SPEN: variants seen among roughly 807,000 people sequenced by gnomAD.
The protein encoded by SPEN is spen family transcriptional repressor.
A neutral mutation model predicts 269.9 loss-of-function variants in SPEN; 18 were observed. That is an observed-to-expected ratio of 0.07 (90% CI 0.05 to 0.10). SPEN has a LOEUF of 0.10. SPEN is among the 10% of genes least tolerant of loss of function. The pLI, the probability that SPEN is intolerant of heterozygous loss-of-function variation, is 1.00. For missense variants in SPEN, 3,822 were observed against 4,631.2 expected (o/e 0.83, Z 5.07); for synonymous variants, 1,726 against 1,765.7 (o/e 0.98, Z 0.56).
At position 15,930,937 on chromosome 1, in the gene SPEN, C is replaced by T. The variant is rs763947168; in HGVS notation, c.4697C>T (p.Ser1566Phe). 3 of 1,614,124 alleles carry T rather than the reference C, an allele frequency of 1.9e-6. No individual in the cohort carries two copies. In the Admixed American group the frequency reaches 5.0e-5, roughly 27 times the overall value. The change falls in exon 11 of 15, where the codon TCT becomes TTT. Residue 1566 changes from serine (S) to phenylalanine (F), a missense_variant. Transcript: ENST00000375759. This position sits in a 1 kb window ranked among gnomAD's most constrained non-coding sequence, Gnocchi z 5.3. Reference sequence around the variant, plus strand: ...GGTAGGATCTATGGGAAGCAGACATCTGAGGGAGCAAACAGCACAACTGAT... The same window carrying T: ...GGTAGGATCTATGGGAAGCAGACATTTGAGGGAGCAAACAGCACAACTGAT... ...ISGRIYGKQT[S>F]EGANSTTDSI...
chr1:15,931,419 C>G lies in SPEN; in HGVS notation c.5179C>G (p.Gln1727Glu). ...AGVEEGSSGD[Q>E]PPYLDAKPPT... ...TGTTGAGGAAGGTTCATCAGGTGAC[C>G]AGCCGCCTTATCTGGATGCCAAGCC... The change falls in exon 11 of 15, where the codon CAG becomes GAG. Residue 1727 changes from glutamine to glutamate, a missense_variant. This residue lies in a region of SPEN where 533 missense variants were observed against 618.8 expected (regional missense o/e 0.86). Coordinates refer to ENST00000375759, the MANE Select transcript of SPEN (RefSeq NM_015001.3). The surrounding 1 kb of genome is among the most constrained non-coding windows in gnomAD (Gnocchi z 4.8). 6.2e-7 allele frequency: 1 copy of G among 1,614,146 alleles called. No individual in the cohort carries two copies. The highest frequency in any genetic ancestry group is 8.5e-7 in the Non-Finnish European group (1 of 1,180,038).
At chr1:15,938,565 C>CTTTT (rs200567875) in intron 13 of SPEN, 153 bp from the exon 14 acceptor site, 72 of 239,078 alleles carry the variant, frequency 3.0e-4, no homozygotes, top group African/African-American at 1.9e-3. Context: ...TGAAAAAAAG[C>CTTTT]TTTTTTTTTT....
At chr1:15,861,792 A>G (rs911604704) in intron 1 of SPEN, among the ~76,000 whole-genome samples, 3 of 152,134 alleles carry the variant, frequency 2.0e-5, no homozygotes, top group African/African-American at 7.2e-5. Flanking sequence ...CTGTAATCCC[A>G]GCACTTTGGG....
At position 15,847,973 on chromosome 1, in the gene SPEN, G is replaced by GCCGCCGCCC. The variant is rs1461527900; in HGVS notation, c.-93_-85dup. ...CGACGCCACCGCCGCAGCCGCCGCC[G>GCCGCCGCCC]CCGCCGCCCCGGCACCCGCCTCCCG... On this transcript the variant is annotated 5_prime_UTR_variant, in exon 1 of 15. Coordinates refer to ENST00000375759, the MANE Select transcript of SPEN (RefSeq NM_015001.3). The GCCGCCGCCC allele has an allele frequency of 3.9e-6, 3 of 777,012 alleles. No individual in the cohort carries two copies. The highest frequency in any genetic ancestry group is 5.2e-6 in the Non-Finnish European group (3 of 573,578). 48.1% of individuals were successfully genotyped at this position (777,012 alleles called of 1,614,324 possible). A position where few individuals can be genotyped will look rare whatever the true frequency, so the allele number is the denominator to read the frequency against.
At chr1:15,869,794 A>T (rs2148709354) in intron 1 of SPEN, among the ~76,000 whole-genome samples, 1 of 151,362 alleles carries the variant, frequency 6.6e-6, no homozygotes, top group East Asian at 2.0e-4. Context: ...ACTTGAATAT[A>T]TTCATCTCTC....
chr1:15,855,067 A>G (rs1569963400), intron 1 of SPEN, among the ~76,000 whole-genome samples: 1 of 152,182 alleles, frequency 6.6e-6, no homozygotes, highest in South Asian at 2.1e-4. Flanking sequence ...ATATTTAAAG[A>G]TTTGTATTAT....
rs145736751 is a variant in SPEN, at chr1:15,934,350, G to A, written c.8110G>A (p.Val2704Met). Reference sequence around the variant, plus strand: ...GCCTGTGAATGTTCTTACGGGGCCAGTGAATGTTCTCACCACTCCAGTGAA... The same window carrying A: ...GCCTGTGAATGTTCTTACGGGGCCAATGAATGTTCTCACCACTCCAGTGAA... ...KGPVNVLTGP[V>M]NVLTTPVNAT... is the part of the protein sequence containing the mutation. Residue 2704 changes from valine to methionine, a missense_variant, in exon 11 of 15, where the codon GTG becomes ATG. This residue lies in a region of SPEN where 329 missense variants were observed against 431.2 expected (regional missense o/e 0.76). Transcript: ENST00000375759. This position sits in a 1 kb window ranked among gnomAD's most constrained non-coding sequence, Gnocchi z 9.2. The A allele has an allele frequency of 1.7e-5, 28 of 1,613,476 alleles. No individual in the cohort carries two copies. The highest frequency in any genetic ancestry group is 2.2e-5 in the Non-Finnish European group (26 of 1,180,052).
rs954142908 is a variant in SPEN, at chr1:15,931,832, G to C, written c.5592G>C (p.Lys1864Asn). The stretch of plus-strand genomic sequence containing the variant: ...ATTCTCCTCGGGGAGAAGCACAGAA[G>C]CTTTTGGAATTGAAGATGGAGGCAG... ...RSNSPRGEAQ[K>N]LLELKMEAEK... The change falls in exon 11 of 15, where the codon AAG (lysine) becomes AAC (asparagine). Residue 1864 changes from lysine (K) to asparagine (N), a missense_variant. Physicochemically the swap from Lys to Asn is moderately conservative, Grantham distance 94. Around this residue, in one of 16 missense-constraint regions of SPEN, gnomAD observed 533 missense variants for 618.8 expected, o/e 0.86. Transcript: ENST00000375759. This position sits in a 1 kb window ranked among gnomAD's most constrained non-coding sequence, Gnocchi z 4.8. 2 of 1,614,100 alleles carry C rather than the reference G, an allele frequency of 1.2e-6. No homozygotes were observed. The highest frequency in any genetic ancestry group is 2.7e-5 in the African/African-American group (2 of 74,930).
At chr1:15,894,213 A>G (rs555440609) in intron 3 of SPEN, among the ~76,000 whole-genome samples, 15 of 152,300 alleles carry the variant, frequency 9.8e-5, no homozygotes, top group Middle Eastern at 6.8e-3. Flanking sequence ...GACTAAGGGA[A>G]TGAGAAAATC....
chr1:15,873,500 T>C, intron 2 of SPEN: 1 of 1,008,728 alleles, frequency 9.9e-7, no homozygotes, highest in Non-Finnish European at 1.2e-6. Flanking sequence ...TTTGTGTTCA[T>C]ACTATATGGA....
At chr1:15,881,075 C>T (rs1015305279) in intron 3 of SPEN, among the ~76,000 whole-genome samples, 6 of 152,122 alleles carry the variant, frequency 3.9e-5, no homozygotes, top group African/African-American at 1.4e-4. Flanking sequence ...CTCAAACCAT[C>T]CTCCTGTTTC....
intron 3 of SPEN, among the ~76,000 whole-genome samples, chr1:15,892,152 C>T (rs182922324): frequency 1.7e-4 from 26 of 151,156 alleles, no homozygotes; most frequent in Admixed American, 4.7e-4. Flanking sequence ...TCCCGAGTAG[C>T]TGGGACTATA....
intron 3 of SPEN, among the ~76,000 whole-genome samples, chr1:15,906,957 T>C (rs1004865821): frequency 1.3e-5 from 2 of 151,310 alleles, no homozygotes; most frequent in Admixed American, 1.3e-4. Flanking sequence ...AATTTTTCTT[T>C]TGTAGGGGAT....
At chr1:15,881,150 C>T (rs918276755) in intron 3 of SPEN, among the ~76,000 whole-genome samples, 2 of 151,978 alleles carry the variant, frequency 1.3e-5, no homozygotes, top group Admixed American at 6.6e-5. Context: ...TTAAATTTTT[C>T]GTAGAGACAA....
intron 3 of SPEN, among the ~76,000 whole-genome samples, chr1:15,889,051 G>A (rs2070764788): frequency 6.6e-6 from 1 of 152,054 alleles, no homozygotes; most frequent in Admixed American, 6.6e-5. Context: ...AGAAGCCAAG[G>A]CACAAATTTA....
chr1:15,912,344 T>C (rs1412539816), intron 5 of SPEN, among the ~76,000 whole-genome samples: 2 of 152,184 alleles, frequency 1.3e-5, no homozygotes, highest in East Asian at 3.8e-4. Flanking sequence ...ACAGAACTTG[T>C]GAATAAATTT....
intron 3 of SPEN, among the ~76,000 whole-genome samples, chr1:15,897,945 C>A (rs894772580): frequency 6.6e-6 from 1 of 152,142 alleles, no homozygotes; most frequent in African/African-American, 2.4e-5. Flanking sequence ...TTCCCCGTTT[C>A]TTTTGTAATA....
chr1:15,931,755 C>T lies in SPEN; in HGVS notation c.5515C>T (p.Pro1839Ser). The T allele has an allele frequency of 6.2e-7, 1 of 1,614,044 alleles. No individual in the cohort carries two copies. Among genetic ancestry groups the T allele is most frequent in the Non-Finnish European group, 8.5e-7 (1 of 1,179,960 alleles). Residue 1839 changes from proline to serine, a missense_variant, in exon 11 of 15, where the codon CCC becomes TCC. Pro to Ser is a moderately conservative substitution (Grantham distance 74, BLOSUM62 -1). This residue lies in a region of SPEN where 533 missense variants were observed against 618.8 expected (regional missense o/e 0.86). Coordinates refer to ENST00000375759, the MANE Select transcript of SPEN (RefSeq NM_015001.3). The surrounding 1 kb of genome is among the most constrained non-coding windows in gnomAD (Gnocchi z 4.8). Reference sequence around the variant, plus strand: ...AGCTGCAGTGAGTATCGTGGAGAAGCCCGTCACAAGGAAGAGTGAGAGGAT... The same window carrying T: ...AGCTGCAGTGAGTATCGTGGAGAAGTCCGTCACAAGGAAGAGTGAGAGGAT... The part of the protein sequence containing the change: ...QAAAVSIVEK[P>S]VTRKSERIDR...
At position 15,933,617 on chromosome 1, in the gene SPEN, G is replaced by A; in HGVS notation, c.7377G>A (p.Val2459=). ...ATTCCATCATTGAAAGTGACCCGGT[G>A]ACCCCACCCAGCGATCCAAGCATCC... The part of the protein sequence containing the change: ...RVHSIIESDP[V]TPPSDPSIPI... The change falls in exon 11 of 15, where the codon GTG becomes GTA. Residue 2459 remains valine, a synonymous_variant. Transcript: ENST00000375759. This position sits in a 1 kb window ranked among gnomAD's most constrained non-coding sequence, Gnocchi z 5.7. The A allele has an allele frequency of 6.2e-7, 1 of 1,614,048 alleles. No homozygotes were observed. Among genetic ancestry groups the A allele is most frequent in the Non-Finnish European group, 8.5e-7 (1 of 1,179,994 alleles).
Sources: gnomAD v4.1 joint callset for allele counts (sites outside exome capture counted in the v4.1 genomes callset) on GRCh38, gnomAD v4.1.1 for gene constraint, gnomAD v4.1.1 regional missense constraint, Gnocchi (gnomAD v3.1) non-coding constraint, MANE v1.5 for transcripts, NCBI Gene and HGNC (gene_info 2026-07-23, HGNC 2026-07-21) for gene names.